MCC: variants seen among roughly 807,000 people sequenced by gnomAD.
MCC encodes colorectal mutant cancer protein.
MCC carries 90 observed loss-of-function variants against 116.2 expected under a neutral mutation model. The observed-to-expected ratio is 0.77, with a 90% CI of 0.65 to 0.92. MCC has a LOEUF of 0.92. Among genes scored for constraint, MCC ranks in the 40% least tolerant of loss-of-function variants. The probability of loss-of-function intolerance (pLI) is 0.00; values close to 1 mark genes in which losing one functional copy is unlikely to be tolerated. For synonymous variants in MCC, 578 were observed against 510.5 expected, an observed-to-expected ratio of 1.13 and a Z score of -1.78; for missense variants, 1,516 against 1,312.2, an observed-to-expected ratio of 1.16 and a Z score of -2.40.
chr5:113,028,247 A>C (rs903367805), intron 18 of MCC, among the ~76,000 whole-genome samples: 1 of 152,212 alleles, frequency 6.6e-6, no homozygotes, highest in Non-Finnish European at 1.5e-5. Context: ...ACATCCACAT[A>C]ATGTTGACTA....
intron 1 of MCC, among the ~76,000 whole-genome samples, chr5:113,431,722 G>A (rs543744981): frequency 1.2e-4 from 18 of 148,118 alleles, no homozygotes; most frequent in South Asian, 4.4e-4. Context: ...GTGGCCAGGC[G>A]CGGTGGCTCA....
chr5:113,202,556 G>A (rs1025189692), intron 3 of MCC, among the ~76,000 whole-genome samples: 22 of 152,036 alleles, frequency 1.4e-4, no homozygotes, highest in Admixed American at 7.2e-4. Flanking sequence ...ATTCAGATAC[G>A]CCGACAGTGT....
intron 15 of MCC, 72 bp downstream of exon 15, chr5:113,053,653 G>T: frequency 9.2e-7 from 1 of 1,083,678 alleles, no homozygotes; most frequent in Non-Finnish European, 1.4e-6. Context: ...TTATCTGCTG[G>T]ACCTGCTTTC....
intron 14 of MCC, among the ~76,000 whole-genome samples, chr5:113,058,429 C>A (rs1024108180): frequency 1.3e-5 from 2 of 152,204 alleles, no homozygotes; most frequent in African/African-American, 4.8e-5. Context: ...CAGTCAGGAA[C>A]TCTGGAGGTG....
chr5:113,133,316 T>C (rs1444416936), intron 5 of MCC, among the ~76,000 whole-genome samples: 1 of 152,176 alleles, frequency 6.6e-6, no homozygotes, highest in African/African-American at 2.4e-5. Context: ...CAGCCTCTAA[T>C]AACCACCAAA....
At chr5:113,078,521 G>A (rs115480154) in intron 11 of MCC, among the ~76,000 whole-genome samples, 1,834 of 151,590 alleles carry the variant, frequency 0.012, 53 homozygotes, top group African/African-American at 0.042. Context: ...ATCAATAAAC[G>A]TTAATCCATC....
chr5:113,172,918 CTTGA>C (rs1761147212), intron 3 of MCC, among the ~76,000 whole-genome samples: 1 of 151,820 alleles, frequency 6.6e-6, no homozygotes, highest in South Asian at 2.1e-4. Flanking sequence ...TCTTCATTTT[CTTGA>C]TTATTTCAGG....
intron 1 of MCC, among the ~76,000 whole-genome samples, chr5:113,402,347 T>TG (rs1285625287): frequency 2.0e-5 from 3 of 148,530 alleles, no homozygotes; most frequent in African/African-American, 5.0e-5. Flanking sequence ...TGTGTAAAGA[T>TG]GGGGTCTTGC....
At chr5:113,157,908 T>C (rs1183877010) in intron 3 of MCC, among the ~76,000 whole-genome samples, 1 of 152,244 alleles carries the variant, frequency 6.6e-6, no homozygotes, top group Non-Finnish European at 1.5e-5. Flanking sequence ...CTGCTACTCT[T>C]ATGCTTCGGG....
chr5:113,221,041 A>G (rs1022783827), intron 3 of MCC, among the ~76,000 whole-genome samples: 1 of 152,194 alleles, frequency 6.6e-6, no homozygotes, highest in African/African-American at 2.4e-5. Flanking sequence ...TGTCTCTACC[A>G]AAAATACAAA....
chr5:113,376,769 C>CTT (rs201353661), intron 2 of MCC, among the ~76,000 whole-genome samples: 1 of 152,166 alleles, frequency 6.6e-6, no homozygotes, highest in African/African-American at 2.4e-5. Flanking sequence ...CCTACCTGCT[C>CTT]TTTCCTCAGC....
intron 3 of MCC, among the ~76,000 whole-genome samples, chr5:113,157,546 G>A (rs565577126): frequency 6.6e-6 from 1 of 152,350 alleles, no homozygotes; most frequent in South Asian, 2.1e-4. Flanking sequence ...ATGGTGCTGA[G>A]GGCTGGGCCA....
intron 5 of MCC, among the ~76,000 whole-genome samples, chr5:113,129,195 G>C (rs1249316399): frequency 6.6e-6 from 1 of 152,214 alleles, no homozygotes. Flanking sequence ...GTGTGAGAGA[G>C]AGAGTTTAGG....
At chr5:113,167,676 G>A (rs1466383860) in intron 3 of MCC, among the ~76,000 whole-genome samples, 1 of 151,956 alleles carries the variant, frequency 6.6e-6, no homozygotes, top group South Asian at 2.1e-4. Context: ...TGTCACCCAC[G>A]CTGGAGTGCA....
chr5:113,438,896 C>G (rs764842253), intron 1 of MCC, among the ~76,000 whole-genome samples: 26 of 152,062 alleles, frequency 1.7e-4, no homozygotes, highest in Non-Finnish European at 3.1e-4. Context: ...CAGTAAATTG[C>G]CTAAGCTTAT....
chr5:113,049,132 G>A lies in MCC; in HGVS notation c.2616C>T (p.Leu872=). 2 of 1,614,200 alleles carry A rather than the reference G, an allele frequency of 1.2e-6. No homozygotes were observed. Among genetic ancestry groups the A allele is most frequent in the Non-Finnish European group, 1.7e-6 (2 of 1,180,020 alleles). Residue 872 remains leucine, a synonymous_variant, in exon 16 of 19, where the codon CTC becomes CTT. Coordinates refer to ENST00000408903, the MANE Select transcript of MCC (RefSeq NM_001085377.2). The part of the protein sequence containing the change: ...EEQKEQRMRS[L]SSTSSGSKDK... ...CTTTGCTGCCGCTGCTGGTGGAGCT[G>A]AGGGATCGCATCCGCTGCTCCTTCT...
At chr5:113,056,505 T>C (rs1388661176) in intron 14 of MCC, among the ~76,000 whole-genome samples, 2 of 152,202 alleles carry the variant, frequency 1.3e-5, no homozygotes, top group African/African-American at 4.8e-5. Context: ...TTCTTACTTA[T>C]AAGTTGGAGC....
intron 3 of MCC, among the ~76,000 whole-genome samples, chr5:113,330,144 A>G (rs1025086297): frequency 2.0e-5 from 3 of 152,220 alleles, no homozygotes; most frequent in African/African-American, 7.2e-5. Flanking sequence ...ATATTCAAAT[A>G]AGGCAAATGC....
chr5:113,354,912 AAGAT>A (rs1181045737), intron 2 of MCC, among the ~76,000 whole-genome samples: 74 of 151,992 alleles, frequency 4.9e-4, no homozygotes, highest in African/African-American at 1.4e-3. Context: ...TTTAGAAAAA[AAGAT>A]AGTCTTTTTT....
Sources: allele counts gnomAD v4.1 joint callset (sites outside exome capture counted in the v4.1 genomes callset), GRCh38; gene constraint gnomAD v4.1.1; transcripts MANE v1.5; gene names NCBI Gene and HGNC (gene_info 2026-07-23, HGNC 2026-07-21).